Variants in MGAT4C observed in about 807,000 individuals in gnomAD.
MGAT4C encodes the protein alpha-1,3-mannosyl-glycoprotein 4-beta-N-acetylglucosaminyltransferase C.
A neutral mutation model predicts 40.1 loss-of-function variants in MGAT4C; 19 were observed. The observed-to-expected ratio is 0.47, with a 90% CI of 0.33 to 0.70. The LOEUF is 0.70. Ranked by LOEUF, MGAT4C falls within the 30% of genes least tolerant of loss-of-function variation. The pLI, the probability that MGAT4C is intolerant of heterozygous loss-of-function variation, is 0.02. For missense variants in MGAT4C, 491 were observed against 563.2 expected, an observed-to-expected ratio of 0.87 and a Z score of 1.30; for synonymous variants, 181 against 187.1, an observed-to-expected ratio of 0.97 and a Z score of 0.27.
chr12:86,395,780 A>AT (rs1247789273), intron 3 of MGAT4C, among the ~76,000 whole-genome samples: 2 of 152,130 alleles, frequency 1.3e-5, no homozygotes, highest in Non-Finnish European at 2.9e-5. Context: ...AACTTCATCT[A>AT]TTTTTTTGTG....
At chr12:86,110,418 G>T (rs1877166603) in intron 1 of MGAT4C, among the ~76,000 whole-genome samples, 1 of 140,952 alleles carries the variant, frequency 7.1e-6, no homozygotes, top group Admixed American at 7.4e-5. Context: ...CAGAATTTGG[G>T]TTAATTTCTT....
At chr12:86,084,967 G>A (rs552515946) in intron 1 of MGAT4C, among the ~76,000 whole-genome samples, 2 of 152,124 alleles carry the variant, frequency 1.3e-5, no homozygotes, top group Non-Finnish European at 2.9e-5. Context: ...GAGGAACTAC[G>A]TGATACTGGG....
intron 1 of MGAT4C, among the ~76,000 whole-genome samples, chr12:86,119,059 TC>T (rs1425041431): frequency 1.3e-5 from 2 of 152,104 alleles, no homozygotes; most frequent in African/African-American, 4.8e-5. Flanking sequence ...ACAGTAGAAC[TC>T]AAGAGAGCCT....
intron 1 of MGAT4C, among the ~76,000 whole-genome samples, chr12:86,225,218 C>G (rs1476395147): frequency 6.6e-6 from 1 of 151,928 alleles, no homozygotes; most frequent in East Asian, 1.9e-4. Flanking sequence ...TTATTAAAAA[C>G]ATACAACTTT....
intron 2 of MGAT4C, among the ~76,000 whole-genome samples, chr12:85,991,732 C>T (rs1217938956): frequency 6.6e-6 from 1 of 152,168 alleles, no homozygotes; most frequent in Non-Finnish European, 1.5e-5. Context: ...TGGCTCATGC[C>T]TCAAATCCCA....
chr12:86,575,952 C>T lies in MGAT4C; in HGVS notation c.-228-140687G>A, dbSNP rs75703984. On this transcript the variant is annotated intron_variant, in intron 2 of 7. Transcript: ENST00000548651. The stretch of plus-strand genomic sequence containing the variant: ...TACTAATTTACATTCCCACCAACAA[C>T]GTACAATGTCCCCATTTACCCACAT... Among the ~76,000 whole-genome samples, 183 of 151,920 alleles carry T rather than the reference C, an allele frequency of 1.2e-3. 2 individuals are homozygous for T. The East Asian group carries it at 0.033, about 27-fold the overall frequency.
intron 2 of MGAT4C, among the ~76,000 whole-genome samples, chr12:86,628,616 T>G (rs1180942542): frequency 1.3e-5 from 2 of 152,140 alleles, no homozygotes; most frequent in Admixed American, 6.5e-5. Context: ...AAAATAATTT[T>G]CAACCCAGAA....
intron 1 of MGAT4C, among the ~76,000 whole-genome samples, chr12:86,150,631 G>A (rs767886744): frequency 9.9e-5 from 15 of 152,162 alleles, no homozygotes; most frequent in Non-Finnish European, 1.9e-4. Context: ...GGTGCAGTAT[G>A]TGGTGGTTTA....
chr12:86,453,113 T>C (rs1171346153), intron 2 of MGAT4C, among the ~76,000 whole-genome samples: 1 of 152,190 alleles, frequency 6.6e-6, no homozygotes, highest in Non-Finnish European at 1.5e-5. Context: ...TTTTTCTTCC[T>C]TTAAATGAGA....
At chr12:86,785,863 C>T (rs1030815605) in intron 1 of MGAT4C, among the ~76,000 whole-genome samples, 3 of 151,748 alleles carry the variant, frequency 2.0e-5, no homozygotes, top group Non-Finnish European at 4.4e-5. Flanking sequence ...TTCCCATTTT[C>T]TCTGTTGATT....
In MGAT4C at chr12:86,465,366, A is replaced by G. The variant is rs542589635; in HGVS notation, c.-228-30101T>C. ...AAAGGGAATAATCTATGAAAGAAAG[A>G]ATAGAGATGTTGGACTTCACTAAAA... On this transcript the variant is annotated intron_variant, in intron 2 of 7. Coordinates refer to the MGAT4C transcript ENST00000548651. Among the ~76,000 whole-genome samples, 6 of 152,258 alleles carry G rather than the reference A, an allele frequency of 3.9e-5. No individual in the cohort carries two copies. In the South Asian group the frequency reaches 1.2e-3, roughly 32 times the overall value.
At chr12:86,277,653 G>C (rs1592635767) in intron 4 of MGAT4C, among the ~76,000 whole-genome samples, 1 of 152,108 alleles carries the variant, frequency 6.6e-6, no homozygotes, top group South Asian at 2.1e-4. Context: ...TTAAGAGACT[G>C]TCCTTTACCC....
At chr12:86,455,962 T>G (rs1363048885) in intron 2 of MGAT4C, among the ~76,000 whole-genome samples, 1 of 152,106 alleles carries the variant, frequency 6.6e-6, no homozygotes, top group Admixed American at 6.6e-5. Context: ...ATAAATCTTC[T>G]TAAATATTAA....
At position 85,979,360 on chromosome 12, in the gene MGAT4C, T is replaced by A. The variant is rs1052819981; in HGVS notation, c.1366A>T (p.Met456Leu). The change falls in exon 5 of 5, where the codon ATG (methionine) becomes TTG (leucine). Residue 456 changes from methionine to leucine, a missense_variant. Coordinates refer to ENST00000611864, the MANE Select transcript of MGAT4C (RefSeq NM_001351288.2). Reference sequence around the variant, plus strand: ...TGTGTTTTGGTGACATATATCCTCATACAATGTATATCAAATGGAATTTTT... The same window carrying A: ...TGTGTTTTGGTGACATATATCCTCAAACAATGTATATCAAATGGAATTTTT... ...NQKIPFDIHC[M>L]RIYVTKTQKE... is the part of the protein sequence containing the mutation. 53 of 1,612,550 alleles carry A rather than the reference T, an allele frequency of 3.3e-5. No individual in the cohort carries two copies. Among genetic ancestry groups the A allele is most frequent in the Non-Finnish European group, 4.2e-5 (50 of 1,179,112 alleles).
At position 86,821,088 on chromosome 12, in the gene MGAT4C, C is replaced by A. The variant is rs548982215; in HGVS notation, c.-262+17578G>T. The stretch of plus-strand genomic sequence containing the variant: ...AACTGAAGTTAAAAATTTGTGTAAA[C>A]AAGGCATTCAAGAAAATTACTTTTA... On this transcript the variant is annotated intron_variant, in intron 1 of 7. Coordinates refer to the MGAT4C transcript ENST00000548651. Among the ~76,000 whole-genome samples the A allele has an allele frequency of 2.7e-5, 4 of 150,880 alleles. No individual in the cohort carries two copies. The South Asian group carries it at 8.3e-4, about 31-fold the overall frequency.
chr12:86,590,314 T>C (rs1440414079), intron 2 of MGAT4C, among the ~76,000 whole-genome samples: 1 of 151,360 alleles, frequency 6.6e-6, no homozygotes, highest in African/African-American at 2.4e-5. Flanking sequence ...TGAGACTTAG[T>C]TTTCATACCT....
intron 2 of MGAT4C, among the ~76,000 whole-genome samples, chr12:86,437,927 A>T (rs1265552180): frequency 1.3e-5 from 2 of 151,854 alleles, no homozygotes; most frequent in African/African-American, 2.4e-5. Context: ...GTTCCCTGAG[A>T]CACAAAAATA....
At chr12:86,171,098 G>A (rs1408508971) in intron 1 of MGAT4C, among the ~76,000 whole-genome samples, 3 of 148,894 alleles carry the variant, frequency 2.0e-5, no homozygotes, top group South Asian at 2.2e-4. Flanking sequence ...ATGGCTGGGC[G>A]CGGTGGCTCA....
At chr12:86,520,705 G>A (rs1278624303) in intron 2 of MGAT4C, among the ~76,000 whole-genome samples, 1 of 152,050 alleles carries the variant, frequency 6.6e-6, no homozygotes, top group East Asian at 1.9e-4. Flanking sequence ...CAGTGTATAA[G>A]CATTCCTTTT....
Sources: gnomAD v4.1 joint callset for allele counts (sites outside exome capture counted in the v4.1 genomes callset) on GRCh38, gnomAD v4.1.1 for gene constraint, MANE v1.5 for transcripts, NCBI Gene and HGNC (gene_info 2026-07-23, HGNC 2026-07-21) for gene names.